COL11A2: variants seen among roughly 807,000 people sequenced by gnomAD.
COL11A2 encodes collagen type XI alpha 2 chain.
A neutral mutation model predicts 273.4 loss-of-function variants in COL11A2; 116 were observed. The observed-to-expected ratio is 0.42, with a 90% confidence interval of 0.36 to 0.49. The LOEUF is 0.49. Ranked by LOEUF, COL11A2 falls within the 20% of genes least tolerant of loss-of-function variation. The pLI, the probability that COL11A2 is intolerant of heterozygous loss-of-function variation, is 0.00. For synonymous variants in COL11A2, 782 were observed against 864.2 expected, an observed-to-expected ratio of 0.90 and a Z score of 1.67; for missense variants, 1,866 against 2,309.0, an observed-to-expected ratio of 0.81 and a Z score of 3.93.
At chr6:33,172,210 G>T in intron 40 of COL11A2, 79 bp downstream of exon 40, 1 of 1,571,384 alleles carries the variant, frequency 6.4e-7, no homozygotes, top group East Asian at 2.2e-5. Context: ...TGACATGGAG[G>T]GGGTCAGGGA....
chr6:33,172,933 C>A, intron 38 of COL11A2, 127 bp downstream of exon 38: 1 of 1,041,514 alleles, frequency 9.6e-7, no homozygotes, highest in South Asian at 1.3e-5. Context: ...TCCCAGCCCC[C>A]ACCATTGACC....
Position 33,170,683 on chromosome 6 carries a change from A to C in COL11A2, c.3475-73T>G. Reference sequence around the variant, plus strand: ...GCACAGCCCTAGGCAGATAGGCCCCACAGTCCCCTCCCCTCAGACTCCGCA... The same window carrying C: ...GCACAGCCCTAGGCAGATAGGCCCCCCAGTCCCCTCCCCTCAGACTCCGCA... On this transcript the variant is annotated intron_variant, in intron 46 of 65. Transcript: ENST00000341947. The surrounding 1 kb of genome is among the most constrained non-coding windows in gnomAD (Gnocchi z 4.3). The C allele has an allele frequency of 6.3e-7, 1 of 1,597,006 alleles. No individual in the cohort carries two copies. The highest frequency in any genetic ancestry group is 8.6e-7 in the Non-Finnish European group (1 of 1,166,022).
At chr6:33,175,738 A>G (rs973820437) in intron 29 of COL11A2, 57 bp from the exon 30 acceptor site, 1 of 1,539,230 alleles carries the variant, frequency 6.5e-7, no homozygotes, top group African/African-American at 1.4e-5. Flanking sequence ...CTCTGGGCCC[A>G]GAGGAGAAAT....
rs1562355087 is a variant in COL11A2 at position 33,177,750 on chromosome 6, G to A, written c.1873-44C>T. On this transcript the variant is annotated intron_variant, in intron 21 of 65. Coordinates refer to ENST00000341947, the MANE Select transcript of COL11A2 (RefSeq NM_080680.3). The surrounding 1 kb of genome is among the most constrained non-coding windows in gnomAD (Gnocchi z 5.9). ...GTGAGCAGCCTGAAGGTGGCCCGGA[G>A]GGACCTGTGGTTTTCAGAGGCCCGG... is the stretch of plus-strand genomic sequence containing the variant. 6.2e-7 allele frequency: 1 copy of A among 1,611,032 alleles called. No individual in the cohort carries two copies. The highest frequency in any genetic ancestry group is 1.7e-5 in the Admixed American group (1 of 59,978).
At position 33,176,364 on chromosome 6, in the gene COL11A2, C is replaced by T. The variant is rs749382740; in HGVS notation, c.2170-61G>A. 14 of 1,601,278 alleles carry T rather than the reference C, an allele frequency of 8.7e-6. No individual in the cohort carries two copies. The highest frequency in any genetic ancestry group is 1.3e-5 in the African/African-American group (1 of 74,750). ...GGGGATGGAGGTGGGTTGGAAGGAC[C>T]AAGCTCCTAAGACCCCATATAGCTC... On this transcript the variant is annotated intron_variant, in intron 27 of 65. Transcript: ENST00000341947. This position sits in a 1 kb window ranked among gnomAD's most constrained non-coding sequence, Gnocchi z 4.9.
chr6:33,168,430 T>C, intron 54 of COL11A2, 89 bp downstream of exon 54: 1 of 1,427,044 alleles, frequency 7.0e-7, no homozygotes, highest in Non-Finnish European at 9.9e-7. Context: ...ACCAGGCACC[T>C]CCCCACCCAT....
In COL11A2 at chr6:33,171,142, A is replaced by G. The variant is rs777068257; in HGVS notation, c.3338T>C (p.Ile1113Thr). The G allele has an allele frequency of 5.0e-6, 8 of 1,595,586 alleles. No homozygotes were observed. Among genetic ancestry groups the G allele is most frequent in the African/African-American group, 4.0e-5 (3 of 74,262 alleles). ...TGCTCCAGGCTGCCCCACAGGACCA[A>G]TGGGTCCAGGGGGTCCAGGAGGGCC... Reference protein sequence around the residue: ...EHGPPGPPGPIGPVGQPGAAG... With the variant: ...EHGPPGPPGPTGPVGQPGAAG... The change falls in exon 45 of 66, where the codon ATT becomes ACT. Residue 1113 changes from isoleucine (I) to threonine (T), a missense_variant. Transcript: ENST00000341947.
At chr6:33,184,923 T>C (rs1315406870) in intron 7 of COL11A2, 69 bp downstream of exon 7, 2 of 1,325,642 alleles carry the variant, frequency 1.5e-6, no homozygotes, top group African/African-American at 2.9e-5. Context: ...CAAGACGTCA[T>C]GGGCTGAGGG....
rs755146794 is a variant in COL11A2 at position 33,186,770 on chromosome 6, C to T, written c.655G>A (p.Glu219Lys). The T allele has an allele frequency of 6.2e-7, 1 of 1,614,108 alleles. No individual in the cohort carries two copies. Among genetic ancestry groups the T allele is most frequent in the Non-Finnish European group, 8.5e-7 (1 of 1,180,020 alleles). ...TCCAGCTCCTTCTGTTCACATGATT[C>T]ATAGGCTGCCTGGACCCCTGGGACA... is the stretch of plus-strand genomic sequence containing the variant. Reference protein sequence around the residue: ...AIVPGVQAAYESCEQKELECE... With the variant: ...AIVPGVQAAYKSCEQKELECE... Residue 219 changes from glutamate (E) to lysine (K), a missense_variant, in exon 5 of 66, where the codon GAA (glutamate) becomes AAA (lysine). Glu to Lys is a moderately conservative substitution (Grantham distance 56). Coordinates refer to ENST00000341947, the MANE Select transcript of COL11A2 (RefSeq NM_080680.3).
chr6:33,168,973 AG>A lies in COL11A2; in HGVS notation c.3833del (p.Pro1278LeufsTer67). The A allele has an allele frequency of 6.4e-7, 1 of 1,556,896 alleles. No individual in the cohort carries two copies. The highest frequency in any genetic ancestry group is 8.7e-7 in the Non-Finnish European group (1 of 1,153,410). On this transcript the variant is annotated frameshift_variant, in exon 52 of 66. Coordinates refer to ENST00000341947, the MANE Select transcript of COL11A2 (RefSeq NM_080680.3). LOFTEE classifies it high-confidence loss of function. ...PVGFPGDPGPPGEGGPRGQDG... is the reference protein window; with the variant it reads ...PVGFPGDPGPXGEGGPRGQDG... ...GACTCACCCGAGGGCCACCTTCTCC[AG>A]GGGGGCCAGGGTCACCAGGAAAACC...
intron 12 of COL11A2, 22 bp downstream of exon 12, chr6:33,180,236 C>T: frequency 6.2e-7 from 1 of 1,611,666 alleles, no homozygotes; most frequent in East Asian, 2.2e-5. Context: ...CAGCATGTTC[C>T]AAAACCCAAG....
At position 33,179,985 on chromosome 6, in the gene COL11A2, G is replaced by C. The variant is rs1771511739; in HGVS notation, c.1360-180C>G. Among the ~76,000 whole-genome samples the C allele has an allele frequency of 6.6e-6, 1 of 152,150 alleles. No homozygotes were observed. The highest frequency in any genetic ancestry group is 2.1e-4 in the South Asian group (1 of 4,834). On this transcript the variant is annotated intron_variant, in intron 12 of 65. Coordinates refer to ENST00000341947, the MANE Select transcript of COL11A2 (RefSeq NM_080680.3). This position sits in a 1 kb window ranked among gnomAD's most constrained non-coding sequence, Gnocchi z 6.4. Reference sequence around the variant, plus strand: ...AACTCAACTCCTGCCCTCCTCCACTGTCCAGCCTCTGCCTCCAGAAAGACT... The same window carrying C: ...AACTCAACTCCTGCCCTCCTCCACTCTCCAGCCTCTGCCTCCAGAAAGACT...
chr6:33,179,503 G>C lies in COL11A2; in HGVS notation c.1447-16C>G. The C allele has an allele frequency of 6.4e-7, 1 of 1,554,692 alleles. No individual in the cohort carries two copies. Among genetic ancestry groups the C allele is most frequent in the Non-Finnish European group, 8.7e-7 (1 of 1,148,158 alleles). Reference sequence around the variant, plus strand: ...GGAGCGCCAGCTAGGGGAGCAGGGGGACAGCAGAGCTGAGGGACAGGCAGT... The same window carrying C: ...GGAGCGCCAGCTAGGGGAGCAGGGGCACAGCAGAGCTGAGGGACAGGCAGT... On this transcript the variant is annotated splice_polypyrimidine_tract_variant and intron_variant, in intron 13 of 65. Coordinates refer to ENST00000341947, the MANE Select transcript of COL11A2 (RefSeq NM_080680.3). The surrounding 1 kb of genome is among the most constrained non-coding windows in gnomAD (Gnocchi z 6.4).
intron 54 of COL11A2, 32 bp downstream of exon 54, chr6:33,168,487 C>T (rs374012079): frequency 8.4e-5 from 135 of 1,612,754 alleles, no homozygotes; most frequent in Non-Finnish European, 1.1e-4. Flanking sequence ...CAGGGACTGC[C>T]TCCCAAGGTC....
chr6:33,192,596 C>T, upstream of COL11A2: 1 of 414,850 alleles, frequency 2.4e-6, no homozygotes, highest in Non-Finnish European at 4.4e-6. Flanking sequence ...GGGAGGGAGG[C>T]GGGAACCCTC....
Position 33,173,019 on chromosome 6 carries a change from G to C in COL11A2, c.2790+41C>G, listed in dbSNP as rs1272594561. The stretch of plus-strand genomic sequence containing the variant: ...AGAGAAGAGGGGCAGACAGACTAAT[G>C]CTAGGGTCAGGGGTCCATTCTCTCC... On this transcript the variant is annotated intron_variant, in intron 38 of 65. Coordinates refer to ENST00000341947, the MANE Select transcript of COL11A2 (RefSeq NM_080680.3). This position sits in a 1 kb window ranked among gnomAD's most constrained non-coding sequence, Gnocchi z 6.3. 1 of 1,597,602 alleles carries C rather than the reference G, an allele frequency of 6.3e-7. No individual in the cohort carries two copies. The highest frequency in any genetic ancestry group is 8.6e-7 in the Non-Finnish European group (1 of 1,166,866).
rs1711921358 is a variant in COL11A2, at chr6:33,165,793, C to A, written c.4506G>T (p.Gln1502His). The A allele has an allele frequency of 6.2e-7, 1 of 1,613,348 alleles. No individual in the cohort carries two copies. Residue 1502 changes from glutamine to histidine, a missense_variant, in exon 63 of 66, where the codon CAG becomes CAT. Transcript: ENST00000341947. The surrounding 1 kb of genome is among the most constrained non-coding windows in gnomAD (Gnocchi z 7.7). ...TCTTGGGCATCTGAATGGGCAGTGG[C>A]TGGATCACCTCGCCTGGGGGACCCT... Reference protein sequence around the residue: ...GHPGPPGEVIQPLPIQMPKKT... With the variant: ...GHPGPPGEVIHPLPIQMPKKT...
chr6:33,170,584 C>T lies in COL11A2; in HGVS notation c.3501G>A (p.Lys1167=), dbSNP rs1263577658. The change falls in exon 47 of 66, where the codon AAG becomes AAA. Residue 1167 remains lysine (K), a synonymous_variant. Transcript: ENST00000341947. The surrounding 1 kb of genome is among the most constrained non-coding windows in gnomAD (Gnocchi z 4.3). ...TAGGACCCACATCTCCTGTTTCTCC[C>T]TTCTCCCCAGAGGGGCCTGGCAAAC... The part of the protein sequence containing the change: ...LQGLPGPSGE[K]GETGDVGPMG... The T allele has an allele frequency of 3.1e-6, 5 of 1,612,404 alleles. No individual in the cohort carries two copies. Among genetic ancestry groups the T allele is most frequent in the Admixed American group, 3.3e-5 (2 of 59,994 alleles).
Position 33,180,956 on chromosome 6 carries a change from A to G in COL11A2, c.1221+8T>C, listed in dbSNP as rs1374448707. 6.2e-7 allele frequency: 1 copy of G among 1,613,906 alleles called. No homozygotes were observed. The highest frequency in any genetic ancestry group is 1.7e-5 in the Admixed American group (1 of 60,028). On this transcript the variant is annotated splice_region_variant and intron_variant, in intron 10 of 65. Coordinates refer to ENST00000341947, the MANE Select transcript of COL11A2 (RefSeq NM_080680.3). ...AAAGAATGGCCACCAGGTCACTGCTAGACTTACCGCAGGGCCTTCTGGGCC... is the reference window on the plus strand; with the variant it reads ...AAAGAATGGCCACCAGGTCACTGCTGGACTTACCGCAGGGCCTTCTGGGCC...
Sources: allele counts gnomAD v4.1 joint callset (sites outside exome capture counted in the v4.1 genomes callset), GRCh38; gene constraint gnomAD v4.1.1; non-coding constraint Gnocchi (gnomAD v3.1); transcripts MANE v1.5; gene names NCBI Gene and HGNC (gene_info 2026-07-23, HGNC 2026-07-21).